MRTFB: variants seen among roughly 807,000 people sequenced by gnomAD.
The protein encoded by MRTFB is myocardin related transcription factor B, also known as myocardin-related transcription factor B.
MRTFB carries 29 observed loss-of-function variants against 104.2 expected under a neutral mutation model. That is an observed-to-expected ratio of 0.28 (90% CI 0.21 to 0.38). MRTFB has a LOEUF of 0.38. MRTFB is among the 10% of genes least tolerant of loss of function. The pLI is 1.00. For synonymous variants in MRTFB, 535 were observed against 519.5 expected (o/e 1.03, Z -0.41); for missense variants, 1,270 against 1,341.6 (o/e 0.95, Z 0.83).
At chr16:14,110,949 C>G (rs978893972) in intron 2 of MRTFB, among the ~76,000 whole-genome samples, 4 of 152,138 alleles carry the variant, frequency 2.6e-5, no homozygotes, top group African/African-American at 9.7e-5. Context: ...CAGAAATCAT[C>G]AACCTGCTCT....
chr16:14,259,549 T>A (rs976544449), intron 16 of MRTFB, among the ~76,000 whole-genome samples: 6 of 151,984 alleles, frequency 3.9e-5, no homozygotes, highest in African/African-American at 1.5e-4. Flanking sequence ...TCACCTGAGG[T>A]CAGGAGTTCA....
chr16:14,126,432 T>G (rs545910371), intron 2 of MRTFB, among the ~76,000 whole-genome samples: 1 of 152,326 alleles, frequency 6.6e-6, no homozygotes, highest in Non-Finnish European at 1.5e-5. Flanking sequence ...TCAGAACAGT[T>G]GGTAGAAATA....
At chr16:14,086,362 T>G (rs2034703606) in intron 2 of MRTFB, among the ~76,000 whole-genome samples, 2 of 152,224 alleles carry the variant, frequency 1.3e-5, no homozygotes, top group Non-Finnish European at 2.9e-5. Flanking sequence ...TGAGCTAGTT[T>G]TAATCAGTAT....
At chr16:13,995,451 T>A in the MRTFB span, among the ~76,000 whole-genome samples, 1 of 152,222 alleles carries the variant, frequency 6.6e-6, no homozygotes, top group African/African-American at 2.4e-5. Context: ...AGCTCCTCCC[T>A]TGCTGGTCTG....
chr16:14,101,381 T>C (rs753955439), intron 2 of MRTFB, among the ~76,000 whole-genome samples: 3 of 152,214 alleles, frequency 2.0e-5, no homozygotes, highest in Non-Finnish European at 4.4e-5. Flanking sequence ...GAGAGCCCCT[T>C]GGAGAAGTTG....
intron 2 of MRTFB, among the ~76,000 whole-genome samples, chr16:14,096,515 A>G (rs1202325128): frequency 6.6e-6 from 1 of 152,226 alleles, no homozygotes; most frequent in Non-Finnish European, 1.5e-5. Flanking sequence ...AAAAAGTCTA[A>G]AAAAGAAGTA....
At chr16:14,114,410 T>C (rs2036429161) in intron 2 of MRTFB, among the ~76,000 whole-genome samples, 1 of 152,172 alleles carries the variant, frequency 6.6e-6, no homozygotes, top group South Asian at 2.1e-4. Flanking sequence ...GCAAAAAACT[T>C]TTAAGTATGT....
intron 8 of MRTFB, among the ~76,000 whole-genome samples, chr16:14,224,977 G>A (rs550393742): frequency 2.6e-5 from 4 of 152,176 alleles, no homozygotes; most frequent in African/African-American, 9.6e-5. Context: ...ACCTGAGGTC[G>A]GGAGTTCAAG....
chr16:14,107,659 TGTTAGA>T (rs772450793), intron 2 of MRTFB, among the ~76,000 whole-genome samples: 20 of 152,212 alleles, frequency 1.3e-4, no homozygotes, highest in Non-Finnish European at 1.8e-4. Flanking sequence ...CCAGCTACTG[TGTTAGA>T]AACTAGGGAT....
At chr16:14,014,135 G>A in the MRTFB span, among the ~76,000 whole-genome samples, 1 of 152,152 alleles carries the variant, frequency 6.6e-6, no homozygotes, top group Non-Finnish European at 1.5e-5. Context: ...GCAGGCAACT[G>A]AATAAATATT....
chr16:14,038,481 G>A, the MRTFB span, among the ~76,000 whole-genome samples: 1 of 152,144 alleles, frequency 6.6e-6, no homozygotes, highest in African/African-American at 2.4e-5. Flanking sequence ...ACAGAAACAG[G>A]TCTTGAGGAA....
At chr16:14,140,461 C>A in intron 2 of MRTFB, 83 bp from the exon 3 acceptor site, 1 of 981,896 alleles carries the variant, frequency 1.0e-6, no homozygotes, top group Non-Finnish European at 1.5e-6. Context: ...TGGACTAGAA[C>A]CCAGGATTCC....
intron 7 of MRTFB, 139 bp from the exon 8 acceptor site, chr16:14,218,681 A>C (rs918122215): frequency 1.4e-6 from 1 of 737,464 alleles, no homozygotes; most frequent in Non-Finnish European, 2.2e-6. Context: ...GTGTTCTTGC[A>C]CTGGGAGGTA....
intron 2 of MRTFB, among the ~76,000 whole-genome samples, chr16:14,134,418 T>G (rs897364924): frequency 2.0e-5 from 3 of 152,258 alleles, no homozygotes; most frequent in Non-Finnish European, 4.4e-5. Flanking sequence ...ACTGTAGATT[T>G]CATTTTCTTC....
chr16:14,133,011 G>A (rs1004277743), intron 2 of MRTFB, among the ~76,000 whole-genome samples: 1 of 152,212 alleles, frequency 6.6e-6, no homozygotes, highest in Non-Finnish European at 1.5e-5. Context: ...ACAAAGATAT[G>A]TTGCTTAAAT....
intron 2 of MRTFB, among the ~76,000 whole-genome samples, chr16:14,121,256 G>T (rs1409269612): frequency 1.0e-4 from 13 of 124,756 alleles, no homozygotes; most frequent in South Asian, 2.4e-4. Context: ...TTTCTACTTT[G>T]TACTGAATTG....
At chr16:14,231,528 C>T (rs191579326) in intron 8 of MRTFB, among the ~76,000 whole-genome samples, 17 of 149,518 alleles carry the variant, frequency 1.1e-4, no homozygotes, top group African/African-American at 2.5e-4. Flanking sequence ...CTGCTCCTCT[C>T]CCTCTTTCCA....
At chr16:14,001,498 G>A in the MRTFB span, among the ~76,000 whole-genome samples, 1 of 152,226 alleles carries the variant, frequency 6.6e-6, no homozygotes. Flanking sequence ...AGACAAGCGC[G>A]GATGGCCCGA....
At chr16:14,151,758 A>G (rs1161396156) in intron 3 of MRTFB, 1 of 152,190 alleles carries the variant, frequency 6.6e-6, no homozygotes, top group Non-Finnish European at 1.5e-5. Context: ...AGTTCCCACA[A>G]TCCTAGCATT....
Sources: allele counts gnomAD v4.1 joint callset (sites outside exome capture counted in the v4.1 genomes callset), GRCh38; gene constraint gnomAD v4.1.1; transcripts MANE v1.5; gene names NCBI Gene and HGNC (gene_info 2026-07-23, HGNC 2026-07-21).